Variants in EXOC6B observed in about 807,000 individuals in gnomAD.
EXOC6B encodes the protein exocyst complex component 6B.
A neutral mutation model predicts 113.5 loss-of-function variants in EXOC6B; 54 were observed. The observed-to-expected ratio is 0.48, with a 90% CI of 0.38 to 0.60. The LOEUF is 0.60. EXOC6B is among the 20% of genes least tolerant of loss of function. The pLI is 0.00. For synonymous variants in EXOC6B, 357 were observed against 339.0 expected (o/e 1.05, Z -0.58); for missense variants, 797 against 977.5 (o/e 0.82, Z 2.46).
chr2:72,624,617 A>C (rs558447763), intron 6 of EXOC6B, among the ~76,000 whole-genome samples: 1 of 152,242 alleles, frequency 6.6e-6, no homozygotes, highest in Admixed American at 6.5e-5. Context: ...ATAGTGGCAC[A>C]TATCTATAGT....
chr2:72,742,500 C>T (rs1681388211), intron 1 of EXOC6B, among the ~76,000 whole-genome samples: 1 of 152,076 alleles, frequency 6.6e-6, no homozygotes, highest in Admixed American at 6.6e-5. Context: ...CTTAACTACA[C>T]ATCCCTCTTC....
At chr2:72,359,107 C>G in intron 19 of EXOC6B, among the ~76,000 whole-genome samples, 1 of 152,212 alleles carries the variant, frequency 6.6e-6, no homozygotes, top group East Asian at 1.9e-4. Context: ...CTATGAAATG[C>G]GTATATTTAA....
chr2:72,591,771 G>A (rs1705982328), intron 6 of EXOC6B, among the ~76,000 whole-genome samples: 1 of 152,064 alleles, frequency 6.6e-6, no homozygotes, highest in South Asian at 2.1e-4. Flanking sequence ...AGTCATTAAT[G>A]TGTAAATCAG....
At chr2:72,567,679 GT>G (rs916545953) in intron 7 of EXOC6B, among the ~76,000 whole-genome samples, 7 of 152,018 alleles carry the variant, frequency 4.6e-5, no homozygotes, top group African/African-American at 1.7e-4. Flanking sequence ...GGAGTTTCTT[GT>G]GGAAAAGAAG....
chr2:72,485,671 C>T (rs1303891200), intron 16 of EXOC6B, among the ~76,000 whole-genome samples: 1 of 151,988 alleles, frequency 6.6e-6, no homozygotes, highest in East Asian at 1.9e-4. Context: ...GACTTAAGTA[C>T]AAAACATTTT....
At chr2:72,720,339 T>C (rs570512594) in intron 5 of EXOC6B, among the ~76,000 whole-genome samples, 14 of 152,316 alleles carry the variant, frequency 9.2e-5, no homozygotes, top group African/African-American at 2.6e-4. Context: ...AAGGCCAACA[T>C]TGTCAGGACT....
intron 19 of EXOC6B, among the ~76,000 whole-genome samples, chr2:72,338,398 A>G (rs560333281): frequency 1.3e-5 from 2 of 152,292 alleles, no homozygotes; most frequent in South Asian, 4.1e-4. Context: ...ACACTGTTCT[A>G]TATCAAGAAC....
At position 72,758,191 on chromosome 2, in the gene EXOC6B, C is replaced by G. The variant is rs1280516294; in HGVS notation, c.114-16722G>C. 6.3e-5 allele frequency among the ~76,000 whole-genome samples: 9 copies of G among 141,784 alleles called. 1 individual carries two copies. The highest frequency in any genetic ancestry group is 1.4e-4 in the Non-Finnish European group (9 of 65,614). The allele number at this position is 141,784 out of a possible 152,430, so 93.0% of individuals were successfully genotyped here. On this transcript the variant is annotated intron_variant, in intron 1 of 21. Transcript: ENST00000272427. The stretch of plus-strand genomic sequence containing the variant: ...CAAAAAAAAAAAAAAAAAAAAAGTA[C>G]ATATATTTGATATCCTGAAATTCTT...
chr2:72,306,018 T>G (rs866606784), intron 20 of EXOC6B, among the ~76,000 whole-genome samples: 1 of 152,164 alleles, frequency 6.6e-6, no homozygotes, highest in Non-Finnish European at 1.5e-5. Flanking sequence ...CCCAGAGTCC[T>G]GAGAATCCTG....
At chr2:72,582,748 C>A (rs955046764) in intron 6 of EXOC6B, among the ~76,000 whole-genome samples, 6 of 152,094 alleles carry the variant, frequency 3.9e-5, no homozygotes, top group Non-Finnish European at 8.8e-5. Flanking sequence ...CAGGATCACA[C>A]AGGCTCTCCA....
intron 17 of EXOC6B, 118 bp from the exon 18 acceptor site, chr2:72,465,457 T>C: frequency 1.4e-6 from 1 of 730,128 alleles, no homozygotes; most frequent in Non-Finnish European, 2.2e-6. Flanking sequence ...CTGGGAATAC[T>C]GAGCCATACA....
chr2:72,283,960 T>C (rs1360839989), intron 20 of EXOC6B, among the ~76,000 whole-genome samples: 1 of 152,062 alleles, frequency 6.6e-6, no homozygotes, highest in Non-Finnish European at 1.5e-5. Context: ...AAAAAGCATA[T>C]AAATATTATA....
intron 6 of EXOC6B, among the ~76,000 whole-genome samples, chr2:72,647,397 T>C (rs1318586593): frequency 6.6e-6 from 1 of 152,142 alleles, no homozygotes; most frequent in African/African-American, 2.4e-5. Context: ...AAGCTACCAA[T>C]GACTTTCTTC....
intron 19 of EXOC6B, among the ~76,000 whole-genome samples, chr2:72,339,749 A>G (rs1334797635): frequency 1.3e-5 from 2 of 152,190 alleles, no homozygotes; most frequent in Non-Finnish European, 2.9e-5. Context: ...TTTGAAATTT[A>G]TGAAGGAAAC....
In EXOC6B at chr2:72,733,108, G is replaced by A. The variant is rs375425918; in HGVS notation, c.290C>T (p.Thr97Met). ...ATGTTGTAGTTTTCTATTAGTATCC[G>A]TCACTTGATTCTGTGGAGAGAAGAC... is the stretch of plus-strand genomic sequence containing the variant. ...GEAQKLKNQVTDTNRKLQHEG... is the reference protein window; with the variant it reads ...GEAQKLKNQVMDTNRKLQHEG... The change falls in exon 3 of 22, where the codon ACG becomes ATG. Residue 97 changes from threonine (T) to methionine (M), a missense_variant. Thr to Met is a moderately conservative substitution (Grantham distance 81). Transcript: ENST00000272427. 243 of 1,590,912 alleles carry A rather than the reference G, an allele frequency of 1.5e-4. No individual in the cohort carries two copies. Among genetic ancestry groups the A allele is most frequent in the Admixed American group, 1.9e-4 (11 of 57,270 alleles).
intron 6 of EXOC6B, among the ~76,000 whole-genome samples, chr2:72,601,003 T>C (rs538056441): frequency 6.6e-5 from 10 of 152,078 alleles, no homozygotes; most frequent in South Asian, 4.2e-4. Flanking sequence ...GATATACAGA[T>C]AGCAAATAAT....
At chr2:72,673,554 C>A (rs186465617) in intron 6 of EXOC6B, among the ~76,000 whole-genome samples, 60 of 152,162 alleles carry the variant, frequency 3.9e-4, no homozygotes, top group African/African-American at 1.2e-3. Context: ...CCATCATTGT[C>A]ACCCTTCATT....
At chr2:72,686,685 A>C (rs1677111325) in intron 6 of EXOC6B, among the ~76,000 whole-genome samples, 1 of 152,164 alleles carries the variant, frequency 6.6e-6, no homozygotes, top group African/African-American at 2.4e-5. Context: ...TGAACTTCTC[A>C]TGCAAGCCAT....
At chr2:72,821,088 A>G (rs929438604) in intron 1 of EXOC6B, among the ~76,000 whole-genome samples, 1 of 152,170 alleles carries the variant, frequency 6.6e-6, no homozygotes, top group Non-Finnish European at 1.5e-5. Context: ...ATATAGTATT[A>G]CAAATCATAT....
Sources: allele counts gnomAD v4.1 joint callset (sites outside exome capture counted in the v4.1 genomes callset), GRCh38; gene constraint gnomAD v4.1.1; transcripts MANE v1.5; gene names NCBI Gene and HGNC (gene_info 2026-07-23, HGNC 2026-07-21).